RSBN1L: variants seen among roughly 807,000 people sequenced by gnomAD.
The protein encoded by RSBN1L is round spermatid basic protein 1 like.
RSBN1L carries 30 observed loss-of-function variants against 67.7 expected under a neutral mutation model. That is an observed-to-expected ratio of 0.44 (90% CI 0.33 to 0.60). RSBN1L has a LOEUF of 0.60. Ranked by LOEUF, RSBN1L falls within the 20% of genes least tolerant of loss-of-function variation. RSBN1L has a pLI of 0.02. For synonymous variants in RSBN1L, 433 were observed against 387.0 expected (o/e 1.12, Z -1.39); for missense variants, 992 against 1,031.7 (o/e 0.96, Z 0.53).
At position 77,734,671 on chromosome 7, in the gene RSBN1L, T is replaced by C. The variant is rs531606218; in HGVS notation, c.587-1739T>C. 7.9e-5 allele frequency among the ~76,000 whole-genome samples: 12 copies of C among 152,076 alleles called. No homozygotes were observed. The South Asian group carries it at 2.1e-3, about 26-fold the overall frequency. ...ATCCGGCTAATTTTTGTATTTTTAG[T>C]ATAGATGGGGTTTTGTCACATTGAC... On this transcript the variant is annotated intron_variant, in intron 1 of 7. Transcript: ENST00000334955.
At chr7:77,768,063 G>A (rs1046166602) in intron 4 of RSBN1L, among the ~76,000 whole-genome samples, 4 of 150,368 alleles carry the variant, frequency 2.7e-5, no homozygotes, top group Non-Finnish European at 5.9e-5. Context: ...TGGCCAGGAC[G>A]GTCTCGATAT....
chr7:77,736,476 TA>T lies in RSBN1L; in HGVS notation c.655del (p.Met219Ter). On this transcript the variant is annotated frameshift_variant, in exon 2 of 8. Coordinates refer to ENST00000334955, the MANE Select transcript of RSBN1L (RefSeq NM_198467.3). LOFTEE classifies it high-confidence loss of function. ...EKEREKKKHK[V>X]MNEIKKENGE... ...GAAAGAGAAAAAAAGAAACATAAAG[TA>T]ATGAATGAGATCAAGAAAGAGAATG... 1 of 1,235,814 alleles carries T rather than the reference TA, an allele frequency of 8.1e-7. No individual in the cohort carries two copies. The highest frequency in any genetic ancestry group is 1.4e-5 in the South Asian group (1 of 72,192). The allele number at this position is 1,235,814 out of a possible 1,614,324, so 76.6% of individuals were successfully genotyped here. A position where few individuals can be genotyped will look rare whatever the true frequency, so the allele number is the denominator to read the frequency against.
intron 5 of RSBN1L, among the ~76,000 whole-genome samples, chr7:77,770,354 G>C (rs994899085): frequency 1.3e-5 from 2 of 151,748 alleles, no homozygotes; most frequent in African/African-American, 2.4e-5. Context: ...CAGCCTGGCC[G>C]ATAGAGCGAG....
rs141388132 is a variant in RSBN1L, at chr7:77,748,074, A to G, written c.704-1350A>G. ...ATAAATAGTTCAGTTTGACCAGAGT[A>G]TGAGGTACTTGAGGGCACTGTCTTT... On this transcript the variant is annotated intron_variant, in intron 2 of 7. Transcript: ENST00000334955. Among the ~76,000 whole-genome samples the G allele has an allele frequency of 6.2e-3, 939 of 152,340 alleles. 5 individuals carry two copies. Among genetic ancestry groups the G allele is most frequent in the Middle Eastern group, 0.037 (11 of 294 alleles).
chr7:77,732,092 GGT>G (rs1465552180), intron 1 of RSBN1L, among the ~76,000 whole-genome samples: 1 of 151,966 alleles, frequency 6.6e-6, no homozygotes, highest in Non-Finnish European at 1.5e-5. Flanking sequence ...TTGCTTTTAT[GGT>G]GTTAGAATTC....
In RSBN1L at chr7:77,727,379, G is replaced by A. The variant is rs986183837; in HGVS notation, c.587-9031G>A. Among the ~76,000 whole-genome samples the A allele has an allele frequency of 7.2e-5, 11 of 152,292 alleles. No homozygotes were observed. The East Asian group carries it at 1.3e-3, about 19-fold the overall frequency. On this transcript the variant is annotated intron_variant, in intron 1 of 7. Coordinates refer to ENST00000334955, the MANE Select transcript of RSBN1L (RefSeq NM_198467.3). ...TGGGATTACAGGCGTGAGCCACCAC[G>A]CCCAGCCCCCCATCTGCTTTTAATT... is the stretch of plus-strand genomic sequence containing the variant.
intron 1 of RSBN1L, among the ~76,000 whole-genome samples, chr7:77,710,823 T>G (rs755548762): frequency 1.7e-4 from 26 of 152,118 alleles, no homozygotes; most frequent in Non-Finnish European, 3.2e-4. Context: ...CTCAAACTCC[T>G]GACCTCAAGT....
At chr7:77,765,716 GTTTC>G in intron 4 of RSBN1L, 84 bp downstream of exon 4, 2 of 1,025,640 alleles carry the variant, frequency 1.9e-6, no homozygotes, top group Non-Finnish European at 2.8e-6. Flanking sequence ...AATTGTGATT[GTTTC>G]TTTCATGCTA....
intron 3 of RSBN1L, among the ~76,000 whole-genome samples, chr7:77,762,018 C>G (rs948633147): frequency 2.6e-5 from 4 of 152,040 alleles, no homozygotes; most frequent in Admixed American, 1.3e-4. Context: ...GGCCAATTTC[C>G]TAATAGGATT....
intron 2 of RSBN1L, among the ~76,000 whole-genome samples, chr7:77,741,787 C>A (rs1791414315): frequency 6.6e-6 from 1 of 151,864 alleles, no homozygotes; most frequent in Admixed American, 6.6e-5. Context: ...TTAAAATGGC[C>A]TTTTTCCTTA....
intron 4 of RSBN1L, 73 bp from the exon 5 acceptor site, chr7:77,768,588 A>G: frequency 7.8e-7 from 1 of 1,283,106 alleles, no homozygotes; most frequent in Non-Finnish European, 1.1e-6. Context: ...TCAGGGGAAC[A>G]ATATTATTAT....
At position 77,744,120 on chromosome 7, in the gene RSBN1L, C is replaced by T. The variant is rs368559731; in HGVS notation, c.704-5304C>T. ...GATCATGGCTCACAGCATCCTCAAC[C>T]TACTGTGCTCAAGCCATCCTCCTGC... is the stretch of plus-strand genomic sequence containing the variant. On this transcript the variant is annotated intron_variant, in intron 2 of 7. Transcript: ENST00000334955. 8.7e-4 allele frequency among the ~76,000 whole-genome samples: 133 copies of T among 152,188 alleles called. 6 individuals are homozygous for T. The South Asian group carries it at 0.026, about 30-fold the overall frequency.
chr7:77,730,717 G>T (rs1791262354), intron 1 of RSBN1L, among the ~76,000 whole-genome samples: 4 of 152,106 alleles, frequency 2.6e-5, no homozygotes. Flanking sequence ...TCTTTGCATG[G>T]CTTGATAGCT....
rs1791956786 is a variant in RSBN1L, at chr7:77,778,960, T to A, written c.2333T>A (p.Leu778Gln). The change falls in exon 8 of 8, where the codon CTG becomes CAG. Residue 778 changes from leucine (L) to glutamine (Q), a missense_variant. Transcript: ENST00000334955. ...AATATTCCTGAAAAGACTACAGCAC[T>A]GAATAATATGGATGGCAAGAATGTT... is the stretch of plus-strand genomic sequence containing the variant. Reference protein sequence around the residue: ...NVNIPEKTTALNNMDGKNVKA... With the variant: ...NVNIPEKTTAQNNMDGKNVKA... The A allele has an allele frequency of 6.2e-7, 1 of 1,613,796 alleles. No individual in the cohort carries two copies. Among genetic ancestry groups the A allele is most frequent in the Non-Finnish European group, 8.5e-7 (1 of 1,179,836 alleles).
chr7:77,740,127 T>TG (rs1302085467), intron 2 of RSBN1L, among the ~76,000 whole-genome samples: 1 of 152,140 alleles, frequency 6.6e-6, no homozygotes, highest in Non-Finnish European at 1.5e-5. Flanking sequence ...TGCGAAAACC[T>TG]TATAAAAGTT....
intron 4 of RSBN1L, among the ~76,000 whole-genome samples, chr7:77,767,532 C>T (rs1284355104): frequency 6.6e-6 from 1 of 151,734 alleles, no homozygotes. Context: ...CACTACCATG[C>T]TAGGCTAATT....
chr7:77,740,012 A>G (rs1369135404), intron 2 of RSBN1L, among the ~76,000 whole-genome samples: 6 of 151,662 alleles, frequency 4.0e-5, no homozygotes, highest in Non-Finnish European at 8.8e-5. Flanking sequence ...CCGGCCTCCC[A>G]AAGTGCTGGG....
At chr7:77,728,486 C>T (rs1197664105) in intron 1 of RSBN1L, among the ~76,000 whole-genome samples, 4 of 152,096 alleles carry the variant, frequency 2.6e-5, no homozygotes, top group Admixed American at 6.6e-5. Flanking sequence ...TAAAAAGTCA[C>T]GAGGGCTGGC....
chr7:77,740,985 C>CTT lies in RSBN1L; in HGVS notation c.703+4477_703+4478dup, dbSNP rs869081974. On this transcript the variant is annotated intron_variant, in intron 2 of 7. Transcript: ENST00000334955. The stretch of plus-strand genomic sequence containing the variant: ...CCCATCAACATTTTTCTTTTCTTTT[C>CTT]TTTTTTTTTTTTTTTTTTTGAGACG... Among the ~76,000 whole-genome samples, 757 of 102,912 alleles carry CTT rather than the reference C, an allele frequency of 7.4e-3. 6 individuals carry two copies. The highest frequency in any genetic ancestry group is 0.029 in the Middle Eastern group (6 of 204). The allele number at this position is 102,912 out of a possible 152,430, so 67.5% of individuals were successfully genotyped here. A position where few individuals can be genotyped will look rare whatever the true frequency, so the allele number is the denominator to read the frequency against.
Sources: allele counts gnomAD v4.1 joint callset (sites outside exome capture counted in the v4.1 genomes callset), GRCh38; gene constraint gnomAD v4.1.1; transcripts MANE v1.5; gene names NCBI Gene and HGNC (gene_info 2026-07-23, HGNC 2026-07-21).